KIAA0232: variants seen among roughly 807,000 people sequenced by gnomAD.
The protein encoded by KIAA0232 is KIAA0232.
In KIAA0232, 27 loss-of-function variants were observed where a neutral mutation model predicts 122.0. The observed-to-expected ratio is 0.22, with a 90% CI of 0.16 to 0.31. KIAA0232 has a LOEUF of 0.31. Ranked by LOEUF, KIAA0232 falls within the 10% of genes least tolerant of loss-of-function variation. The pLI is 1.00. For missense variants in KIAA0232, 1,551 were observed against 1,634.2 expected (o/e 0.95, Z 0.88); for synonymous variants, 613 against 587.6 (o/e 1.04, Z -0.63).
intron 3 of KIAA0232, among the ~76,000 whole-genome samples, chr4:6,840,253 C>T (rs867365885): frequency 2.0e-5 from 3 of 152,226 alleles, no homozygotes; most frequent in Non-Finnish European, 4.4e-5. Context: ...ACACACTGTC[C>T]AGAGGTCATG....
At chr4:6,852,639 A>G (rs548173691) in intron 4 of KIAA0232, among the ~76,000 whole-genome samples, 1 of 152,208 alleles carries the variant, frequency 6.6e-6, no homozygotes, top group Non-Finnish European at 1.5e-5. Flanking sequence ...TTATTGCTAC[A>G]TGACTAAGTA....
At position 6,816,400 on chromosome 4, in the gene KIAA0232, A is replaced by G. The variant is rs140003059; in HGVS notation, c.-269-7785A>G. On this transcript the variant is annotated intron_variant, in intron 2 of 9. Transcript: ENST00000307659. Reference sequence around the variant, plus strand: ...CGGGTTCACGCCATTCTCCTGCCTCAGCCTTCCGAGTAGCTGGGACTACAA... The same window carrying G: ...CGGGTTCACGCCATTCTCCTGCCTCGGCCTTCCGAGTAGCTGGGACTACAA... 7.7e-3 allele frequency among the ~76,000 whole-genome samples: 1,158 copies of G among 151,120 alleles called. 17 individuals are homozygous for G. Among genetic ancestry groups the G allele is most frequent in the African/African-American group, 0.026 (1,082 of 41,082 alleles).
At position 6,871,627 on chromosome 4, in the gene KIAA0232, G is replaced by T; in HGVS notation, c.3855G>T (p.Gln1285His). 6.2e-7 allele frequency: 1 copy of T among 1,613,144 alleles called. No homozygotes were observed. The highest frequency in any genetic ancestry group is 8.5e-7 in the Non-Finnish European group (1 of 1,179,086). The change falls in exon 8 of 10, where the codon CAG becomes CAT. Residue 1285 changes from glutamine to histidine, a missense_variant. Around this residue, in one of 5 missense-constraint regions of KIAA0232, gnomAD observed 1,108 missense variants for 1,154.8 expected, o/e 0.96. Transcript: ENST00000307659. ...GAATGAATAGAAGTCAAGAAAAACA[G>T]ACCTGGTGGGAAAAAGCCTTGTACT... ...IQGMNRSQEK[Q>H]TWWEKALYSP...
chr4:6,822,973 C>T (rs1450692741), intron 2 of KIAA0232, among the ~76,000 whole-genome samples: 1 of 143,750 alleles, frequency 7.0e-6, no homozygotes, highest in Non-Finnish European at 1.5e-5. Context: ...GTGCCCCTTC[C>T]TGTGTCCATG....
At chr4:6,784,164 A>G (rs1256991654) in intron 1 of KIAA0232, among the ~76,000 whole-genome samples, 1 of 152,016 alleles carries the variant, frequency 6.6e-6, no homozygotes, top group Non-Finnish European at 1.5e-5. Flanking sequence ...AAAAAATTAT[A>G]TAAATGTAGT....
intron 3 of KIAA0232, among the ~76,000 whole-genome samples, chr4:6,829,991 G>T (rs1007005191): frequency 2.0e-5 from 3 of 152,054 alleles, no homozygotes; most frequent in Admixed American, 6.5e-5. Context: ...AACTTTTCTT[G>T]TTATACATTG....
At chr4:6,824,100 GTTTA>G (rs1718554942) in intron 2 of KIAA0232, 81 bp from the exon 3 acceptor site, 15 of 416,602 alleles carry the variant, frequency 3.6e-5, no homozygotes, top group East Asian at 3.4e-4. Context: ...AAGAGGGACA[GTTTA>G]TTTGATTTTT....
Position 6,824,650 on chromosome 4 carries a change from T to A in KIAA0232, c.197T>A (p.Leu66Gln). The A allele has an allele frequency of 6.2e-7, 1 of 1,614,198 alleles. No homozygotes were observed. The highest frequency in any genetic ancestry group is 8.5e-7 in the Non-Finnish European group (1 of 1,179,994). The change falls in exon 3 of 10, where the codon CTG becomes CAG. Residue 66 changes from leucine (L) to glutamine (Q), a missense_variant. Leu to Gln is a moderately radical substitution (Grantham distance 113). Transcript: ENST00000307659. ...ACTCGGTATGTCCTCAGTCTTCTGC[T>A]GCATGACAGCTATGACTACGACCTG... ...IYTRYVLSLLLHDSYDYDLQE... is the reference protein window; with the variant it reads ...IYTRYVLSLLQHDSYDYDLQE...
At chr4:6,836,523 T>TTTTTCTTTTTTTTTTTTC in intron 3 of KIAA0232, among the ~76,000 whole-genome samples, 1 of 149,704 alleles carries the variant, frequency 6.7e-6, no homozygotes, top group Admixed American at 6.6e-5. Flanking sequence ...TTGTTTGTCC[T>TTTTTCTTTTTTTTTTTTC]TTTTCTTTTT....
At chr4:6,846,997 A>C (rs140516530) in intron 4 of KIAA0232, among the ~76,000 whole-genome samples, 42 of 152,302 alleles carry the variant, frequency 2.8e-4, no homozygotes, top group African/African-American at 9.9e-4. Context: ...ATTGGTCACA[A>C]TCAAAAACCA....
At chr4:6,837,718 C>T (rs952455832) in intron 3 of KIAA0232, among the ~76,000 whole-genome samples, 2 of 152,234 alleles carry the variant, frequency 1.3e-5, no homozygotes. Context: ...TGGAGACCAG[C>T]ACAGCCAACA....
intron 3 of KIAA0232, among the ~76,000 whole-genome samples, chr4:6,836,331 GTTTTGTT>G (rs1719266882): frequency 7.0e-6 from 1 of 142,640 alleles, no homozygotes; most frequent in African/African-American, 2.7e-5. Context: ...TTTGTTTTTT[GTTTTGTT>G]TTTTTTTTTT....
rs1002972390 is a variant in KIAA0232 at position 6,862,495 on chromosome 4, A to G, written c.2113A>G (p.Asn705Asp). Reference sequence around the variant, plus strand: ...CTTTGAAGAAAATGAACACTGTTCTAATCTTTCAACAAGAACTTGTAGTCC... The same window carrying G: ...CTTTGAAGAAAATGAACACTGTTCTGATCTTTCAACAAGAACTTGTAGTCC... ...SAFEENEHCS[N>D]LSTRTCSPWS... is the part of the protein sequence containing the mutation. Residue 705 changes from asparagine to aspartate, a missense_variant, in exon 7 of 10, where the codon AAT becomes GAT. This residue lies in a region of KIAA0232 where 1,108 missense variants were observed against 1,154.8 expected (regional missense o/e 0.96). Coordinates refer to ENST00000307659, the MANE Select transcript of KIAA0232 (RefSeq NM_014743.3). The G allele has an allele frequency of 1.9e-6, 3 of 1,614,046 alleles. No homozygotes were observed. Among genetic ancestry groups the G allele is most frequent in the Non-Finnish European group, 2.5e-6 (3 of 1,179,986 alleles).
At chr4:6,800,043 C>CTTTTTTT (rs752428517) in intron 1 of KIAA0232, among the ~76,000 whole-genome samples, 756 of 59,788 alleles carry the variant, frequency 0.013, 94 homozygotes, top group Non-Finnish European at 0.019. Flanking sequence ...TTCTTTCTTT[C>CTTTTTTT]TTTTTTTTTT....
At chr4:6,842,003 T>C (rs1392058239) in intron 3 of KIAA0232, 64 bp from the exon 4 acceptor site, 4 of 1,572,274 alleles carry the variant, frequency 2.5e-6, no homozygotes, top group Non-Finnish European at 2.6e-6. Flanking sequence ...GTGTGTGTGG[T>C]AGGTGGAACA....
rs752428517 is a variant in KIAA0232, at chr4:6,800,043, C to CTTTTTTTTTTTTTTTTTTTTTTTTTT, written c.-353-4473_-353-4448dup. On this transcript the variant is annotated intron_variant, in intron 1 of 9. Coordinates refer to ENST00000307659, the MANE Select transcript of KIAA0232 (RefSeq NM_014743.3). ...TTTCTTTTTCTTTCTTTCTTTCTTT[C>CTTTTTTTTTTTTTTTTTTTTTTTTTT]TTTTTTTTTTTTTTTTTTTTTTTTT... Among the ~76,000 whole-genome samples the CTTTTTTTTTTTTTTTTTTTTTTTTTT allele has an allele frequency of 3.3e-4, 20 of 60,082 alleles. 5 individuals are homozygous for CTTTTTTTTTTTTTTTTTTTTTTTTTT. The highest frequency in any genetic ancestry group is 9.1e-4 in the African/African-American group (14 of 15,330). The allele number at this position is 60,082 out of a possible 152,430, so 39.4% of individuals were successfully genotyped here.
intron 1 of KIAA0232, among the ~76,000 whole-genome samples, chr4:6,785,273 A>G (rs1206485227): frequency 6.6e-6 from 1 of 152,216 alleles, no homozygotes; most frequent in Non-Finnish European, 1.5e-5. Context: ...GTGGTAATAT[A>G]GGGTAATGTA....
At chr4:6,873,059 G>A (rs1417891230) in intron 8 of KIAA0232, among the ~76,000 whole-genome samples, 2 of 152,174 alleles carry the variant, frequency 1.3e-5, no homozygotes, top group South Asian at 2.1e-4. Context: ...TTGAAGGCCC[G>A]TTGCTGCTGC....
intron 1 of KIAA0232, among the ~76,000 whole-genome samples, chr4:6,787,216 G>A (rs1482804747): frequency 2.0e-5 from 3 of 149,732 alleles, no homozygotes; most frequent in Non-Finnish European, 4.4e-5. Context: ...TATATTTGAA[G>A]TATAATTTAA....
Sources: gnomAD v4.1 joint callset for allele counts (sites outside exome capture counted in the v4.1 genomes callset) on GRCh38, gnomAD v4.1.1 for gene constraint, gnomAD v4.1.1 regional missense constraint, MANE v1.5 for transcripts, NCBI Gene and HGNC (gene_info 2026-07-23, HGNC 2026-07-21) for gene names.